Variants in CSMD1 observed in about 807,000 individuals in gnomAD.
CSMD1 encodes CUB and sushi domain-containing protein 1.
CSMD1 carries 213 observed loss-of-function variants against 417.5 expected under a neutral mutation model. The ratio of observed to expected loss-of-function variants is 0.51; its 90% CI spans 0.46 to 0.57. CSMD1 has a LOEUF of 0.57. Among genes scored for constraint, CSMD1 ranks in the 20% least tolerant of loss-of-function variants. CSMD1 has a pLI of 0.00. For missense variants in CSMD1, 6,923 were observed against 4,529.7 expected (o/e 1.53, Z -15.17); for synonymous variants, 2,862 against 1,736.8 (o/e 1.65, Z -16.11).
chr8:3,090,256 G>A (rs866787319), intron 48 of CSMD1, among the ~76,000 whole-genome samples: 1 of 139,608 alleles, frequency 7.2e-6, no homozygotes, highest in Non-Finnish European at 1.5e-5. Flanking sequence ...GGCGGAGCTT[G>A]CAGTGAGCCG....
At chr8:3,565,170 C>CAAAAAAAA (rs1799647390) in intron 10 of CSMD1, among the ~76,000 whole-genome samples, 4 of 86,280 alleles carry the variant, frequency 4.6e-5, no homozygotes, top group Admixed American at 1.5e-4. Flanking sequence ...AGAGAGAGAT[C>CAAAAAAAA]AAGAAAGAAA....
At chr8:3,252,296 C>T (rs1360655098) in intron 26 of CSMD1, among the ~76,000 whole-genome samples, 1 of 152,120 alleles carries the variant, frequency 6.6e-6, no homozygotes, top group African/African-American at 2.4e-5. Context: ...TGTCAAAGGC[C>T]ATTTCTGCAT....
At position 4,057,896 on chromosome 8, in the gene CSMD1, T is replaced by G. The variant is rs1585222803; in HGVS notation, c.416-25797A>C. Among the ~76,000 whole-genome samples, 3 of 152,228 alleles carry G rather than the reference T, an allele frequency of 2.0e-5. No individual in the cohort carries two copies. The South Asian group carries it at 6.2e-4, about 32-fold the overall frequency. Reference sequence around the variant, plus strand: ...GTGTTCTGTTCCATTGATCTATATCTCTGTTTTGGTACCAGTACCATGCTG... The same window carrying G: ...GTGTTCTGTTCCATTGATCTATATCGCTGTTTTGGTACCAGTACCATGCTG... On this transcript the variant is annotated intron_variant, in intron 3 of 69. Coordinates refer to ENST00000635120, the MANE Select transcript of CSMD1 (RefSeq NM_033225.6).
At chr8:3,885,164 C>T (rs542179360) in intron 5 of CSMD1, among the ~76,000 whole-genome samples, 3 of 152,052 alleles carry the variant, frequency 2.0e-5, no homozygotes, top group Admixed American at 6.6e-5. Flanking sequence ...ACTGTATCAG[C>T]GTTGAGTTTA....
chr8:3,712,868 C>G (rs6984843), intron 6 of CSMD1, among the ~76,000 whole-genome samples: 9 of 151,984 alleles, frequency 5.9e-5, no homozygotes, highest in East Asian at 1.9e-4. Flanking sequence ...TGGGGAGATG[C>G]TGGTCAAAAG....
At chr8:3,041,030 G>C (rs1244787812) in intron 50 of CSMD1, among the ~76,000 whole-genome samples, 1 of 151,830 alleles carries the variant, frequency 6.6e-6, no homozygotes, top group East Asian at 1.9e-4. Flanking sequence ...CTTCATATCG[G>C]TAAATAAATT....
At chr8:3,372,579 A>G (rs1254218109) in intron 18 of CSMD1, among the ~76,000 whole-genome samples, 1 of 152,104 alleles carries the variant, frequency 6.6e-6, no homozygotes, top group Non-Finnish European at 1.5e-5. Flanking sequence ...CCTGAATGGG[A>G]TATGGGCATT....
At chr8:3,012,748 T>G (rs1466428734) in intron 52 of CSMD1, among the ~76,000 whole-genome samples, 1 of 152,160 alleles carries the variant, frequency 6.6e-6, no homozygotes, top group Non-Finnish European at 1.5e-5. Flanking sequence ...AAAGGGGATG[T>G]GGGGATTTTT....
At chr8:3,905,827 G>C (rs963970069) in intron 5 of CSMD1, among the ~76,000 whole-genome samples, 1 of 152,128 alleles carries the variant, frequency 6.6e-6, no homozygotes, top group South Asian at 2.1e-4. Flanking sequence ...AAACATCTGG[G>C]CCTGGCATTC....
At chr8:2,985,637 G>A (rs1457531768) in intron 54 of CSMD1, among the ~76,000 whole-genome samples, 1 of 152,114 alleles carries the variant, frequency 6.6e-6, no homozygotes, top group African/African-American at 2.4e-5. Flanking sequence ...AAAGTTTAAA[G>A]GGCACTGTTC....
intron 5 of CSMD1, among the ~76,000 whole-genome samples, chr8:3,876,267 G>C (rs535359479): frequency 1.3e-5 from 2 of 152,136 alleles, no homozygotes; most frequent in East Asian, 1.9e-4. Flanking sequence ...TTCACGTGTT[G>C]TTTTATTTAC....
At chr8:3,496,174 C>T (rs1392077395) in intron 10 of CSMD1, among the ~76,000 whole-genome samples, 1 of 152,142 alleles carries the variant, frequency 6.6e-6, no homozygotes, top group Non-Finnish European at 1.5e-5. Context: ...TTTTCTACTC[C>T]TGCCATTTTT....
At chr8:4,251,932 G>A (rs555163770) in intron 3 of CSMD1, among the ~76,000 whole-genome samples, 2 of 151,528 alleles carry the variant, frequency 1.3e-5, no homozygotes, top group South Asian at 4.2e-4. Flanking sequence ...GGGAAGGGAG[G>A]GAAAGAGAGT....
intron 8 of CSMD1, among the ~76,000 whole-genome samples, chr8:3,590,379 A>T (rs756837666): frequency 6.6e-6 from 1 of 152,108 alleles, no homozygotes; most frequent in Non-Finnish European, 1.5e-5. Context: ...TCACCCATCA[A>T]GGTAGTCATG....
chr8:4,236,955 G>C (rs1410821488), intron 3 of CSMD1, among the ~76,000 whole-genome samples: 2 of 152,180 alleles, frequency 1.3e-5, no homozygotes, highest in East Asian at 1.9e-4. Context: ...AGTTTCCTCA[G>C]GAAGCAGTTA....
intron 3 of CSMD1, among the ~76,000 whole-genome samples, chr8:4,264,299 A>G (rs1288018034): frequency 6.6e-6 from 1 of 152,218 alleles, no homozygotes; most frequent in Non-Finnish European, 1.5e-5. Flanking sequence ...TGTACGTAGA[A>G]TTTCAAAAAG....
intron 1 of CSMD1, among the ~76,000 whole-genome samples, chr8:4,742,940 G>T (rs1275381166): frequency 1.3e-5 from 2 of 152,130 alleles, no homozygotes; most frequent in African/African-American, 4.8e-5. Flanking sequence ...ATGTATAAAT[G>T]ATACCAAAAG....
Position 4,532,050 on chromosome 8 carries a change from C to T in CSMD1, c.302+105292G>A, listed in dbSNP as rs371691504. Among the ~76,000 whole-genome samples, 20 of 138,068 alleles carry T rather than the reference C, an allele frequency of 1.4e-4. No homozygotes were observed. The East Asian group carries it at 1.7e-3, about 11-fold the overall frequency. 90.6% of individuals were successfully genotyped at this position (138,068 alleles called of 152,430 possible). ...ATCCTGCACCCCCATTCAGTCACTCCGGAAAATAAATCCCGCACCCTCATT... is the reference window on the plus strand; with the variant it reads ...ATCCTGCACCCCCATTCAGTCACTCTGGAAAATAAATCCCGCACCCTCATT... On this transcript the variant is annotated intron_variant, in intron 2 of 69. Transcript: ENST00000635120.
chr8:3,665,381 T>C (rs1164282631), intron 7 of CSMD1, among the ~76,000 whole-genome samples: 2 of 151,894 alleles, frequency 1.3e-5, no homozygotes, highest in African/African-American at 4.8e-5. Flanking sequence ...ATACAAAAAT[T>C]AGCCAGGTGT....
Sources: gnomAD v4.1 joint callset for allele counts (sites outside exome capture counted in the v4.1 genomes callset) on GRCh38, gnomAD v4.1.1 for gene constraint, MANE v1.5 for transcripts, NCBI Gene and HGNC (gene_info 2026-07-23, HGNC 2026-07-21) for gene names.